CDH13: variants seen among roughly 807,000 people sequenced by gnomAD.
CDH13 encodes the protein cadherin 13.
CDH13 carries 24 observed loss-of-function variants against 63.8 expected under a neutral mutation model. That is an observed-to-expected ratio of 0.38 (90% CI 0.27 to 0.53). CDH13 has a LOEUF of 0.53. CDH13 is among the 20% of genes least tolerant of loss of function. CDH13 has a pLI of 0.85. For missense variants in CDH13, 1,049 were observed against 903.1 expected (o/e 1.16, Z -2.07); for synonymous variants, 503 against 355.3 (o/e 1.42, Z -4.67).
intron 1 of CDH13, among the ~76,000 whole-genome samples, chr16:82,738,400 G>A (rs936109720): frequency 1.3e-5 from 2 of 152,154 alleles, no homozygotes; most frequent in Non-Finnish European, 2.9e-5. Context: ...ACAAAAATAA[G>A]CCTCTTGCCG....
chr16:83,709,958 G>A lies in CDH13; in HGVS notation c.1538+31497G>A, dbSNP rs567196108. Reference sequence around the variant, plus strand: ...CATTATTCATTCCTTCAGAGTCTTGGATTTCTCCAAATAGTCCAAAAAATG... The same window carrying A: ...CATTATTCATTCCTTCAGAGTCTTGAATTTCTCCAAATAGTCCAAAAAATG... On this transcript the variant is annotated intron_variant, in intron 10 of 13. Coordinates refer to ENST00000567109, the MANE Select transcript of CDH13 (RefSeq NM_001257.5). 4.7e-5 allele frequency among the ~76,000 whole-genome samples: 7 copies of A among 148,052 alleles called. No individual in the cohort carries two copies. In the East Asian group the frequency reaches 1.4e-3, roughly 29 times the overall value.
chr16:83,759,413 A>G (rs7203154), intron 11 of CDH13, among the ~76,000 whole-genome samples: 40,183 of 152,054 alleles, frequency 0.26, 7,397 homozygotes, highest in African/African-American at 0.53. Flanking sequence ...ATTACAGATC[A>G]AAATATAGAA....
intron 4 of CDH13, among the ~76,000 whole-genome samples, chr16:83,204,873 A>G (rs2039137153): frequency 6.6e-6 from 1 of 152,206 alleles, no homozygotes. Flanking sequence ...AGGAAGGAAA[A>G]GGGAATGTAT....
intron 5 of CDH13, among the ~76,000 whole-genome samples, chr16:83,319,196 A>G (rs2090169402): frequency 6.6e-6 from 1 of 152,162 alleles, no homozygotes; most frequent in African/African-American, 2.4e-5. Context: ...GATATTTTGT[A>G]TTGTGATGCT....
chr16:83,488,678 G>A (rs2073946889), intron 7 of CDH13, among the ~76,000 whole-genome samples: 2 of 151,840 alleles, frequency 1.3e-5, no homozygotes, highest in Admixed American at 6.6e-5. Flanking sequence ...AGGTTGGAGT[G>A]CAGTGGCACG....
chr16:83,549,563 C>A (rs1230131665), intron 7 of CDH13, among the ~76,000 whole-genome samples: 1 of 151,558 alleles, frequency 6.6e-6, no homozygotes, highest in Non-Finnish European at 1.5e-5. Flanking sequence ...GATCATATTC[C>A]AGCATAGAGC....
At chr16:83,602,339 G>A in intron 7 of CDH13, 115 bp from the exon 8 acceptor site, 1 of 976,888 alleles carries the variant, frequency 1.0e-6, no homozygotes, top group Non-Finnish European at 1.7e-6. Context: ...CTTTAAAGAT[G>A]CCTACCCTAG....
At chr16:82,879,341 G>A (rs978676332) in intron 2 of CDH13, among the ~76,000 whole-genome samples, 6 of 151,500 alleles carry the variant, frequency 4.0e-5, no homozygotes, top group African/African-American at 1.5e-4. Context: ...TTGGCAAATG[G>A]TGGTTATTTC....
chr16:82,718,236 C>G (rs1477212330), intron 1 of CDH13, among the ~76,000 whole-genome samples: 3 of 152,170 alleles, frequency 2.0e-5, no homozygotes, highest in Admixed American at 1.3e-4. Context: ...ATAGTTATCC[C>G]CACTGAGGAA....
At chr16:83,537,713 A>T (rs2150642162) in intron 7 of CDH13, among the ~76,000 whole-genome samples, 1 of 152,350 alleles carries the variant, frequency 6.6e-6, no homozygotes, top group Admixed American at 6.5e-5. Context: ...TTCTATGGAA[A>T]GAAATAAATC....
intron 10 of CDH13, among the ~76,000 whole-genome samples, chr16:83,735,000 C>A (rs200475895): frequency 6.5e-4 from 93 of 143,328 alleles, no homozygotes; most frequent in Middle Eastern, 3.6e-3. Flanking sequence ...TGTGGTTATT[C>A]AAAAAAAAAA....
intron 11 of CDH13, among the ~76,000 whole-genome samples, chr16:83,771,286 C>A (rs1914744854): frequency 6.6e-6 from 1 of 152,168 alleles, no homozygotes; most frequent in Non-Finnish European, 1.5e-5. Flanking sequence ...CCAAGAGTAA[C>A]CCAGGCAGGC....
intron 8 of CDH13, among the ~76,000 whole-genome samples, chr16:83,666,202 G>A (rs1469464958): frequency 1.3e-5 from 2 of 152,152 alleles, no homozygotes; most frequent in Non-Finnish European, 2.9e-5. Context: ...CACAAAGTGA[G>A]CATTGCTATA....
chr16:82,663,507 C>CCCCAGTT (rs1912221621), intron 1 of CDH13, among the ~76,000 whole-genome samples: 1 of 152,080 alleles, frequency 6.6e-6, no homozygotes, highest in Non-Finnish European at 1.5e-5. Flanking sequence ...TTTACACAGT[C>CCCCAGTT]CCCTGTATGT....
At chr16:83,204,697 G>C (rs577671898) in intron 4 of CDH13, among the ~76,000 whole-genome samples, 3 of 152,222 alleles carry the variant, frequency 2.0e-5, no homozygotes, top group African/African-American at 7.2e-5. Flanking sequence ...GTTAGGCTTT[G>C]GTGACAAGAA....
intron 4 of CDH13, among the ~76,000 whole-genome samples, chr16:83,204,348 C>G (rs2039120205): frequency 6.6e-6 from 1 of 152,190 alleles, no homozygotes; most frequent in Admixed American, 6.5e-5. Context: ...ATTACCAATA[C>G]CTACCTCATA....
chr16:83,607,020 C>A (rs1908404272), intron 8 of CDH13, among the ~76,000 whole-genome samples: 1 of 151,918 alleles, frequency 6.6e-6, no homozygotes, highest in African/African-American at 2.4e-5. Flanking sequence ...GTAAGGGAGG[C>A]TGAGAAATAA....
intron 8 of CDH13, among the ~76,000 whole-genome samples, chr16:83,636,602 C>T (rs1470684029): frequency 6.6e-6 from 1 of 152,180 alleles, no homozygotes; most frequent in Admixed American, 6.5e-5. Flanking sequence ...CTGCAAAGGA[C>T]ATGATTTCAT....
At chr16:83,107,347 A>T (rs952176273) in intron 3 of CDH13, among the ~76,000 whole-genome samples, 2 of 150,968 alleles carry the variant, frequency 1.3e-5, no homozygotes, top group African/African-American at 4.9e-5. Flanking sequence ...GGTGGTGGTG[A>T]TTCTCTCCTC....
Sources: allele counts gnomAD v4.1 joint callset (sites outside exome capture counted in the v4.1 genomes callset), GRCh38; gene constraint gnomAD v4.1.1; transcripts MANE v1.5; gene names NCBI Gene and HGNC (gene_info 2026-07-23, HGNC 2026-07-21).